SEM1: variants seen among roughly 807,000 people sequenced by gnomAD.
SEM1 encodes the protein 26S proteasome complex subunit SEM1.
Under a neutral mutation model 12.7 loss-of-function variants are expected in SEM1, and 3 were observed. The ratio of observed to expected loss-of-function variants is 0.24; its 90% CI spans 0.11 to 0.61. The LOEUF (loss-of-function observed/expected upper bound fraction) is 0.61. SEM1 is among the 20% of genes least tolerant of loss of function. The probability of loss-of-function intolerance (pLI) is 0.88; values close to 1 mark genes in which losing one functional copy is unlikely to be tolerated. For missense variants in SEM1, 59 were observed against 81.3 expected (o/e 0.73, Z 1.06); for synonymous variants, 30 against 27.8 (o/e 1.08, Z -0.25).
At chr7:96,554,755 A>G (rs1805422928) in intron 2 of SEM1, among the ~76,000 whole-genome samples, 1 of 151,066 alleles carries the variant, frequency 6.6e-6, no homozygotes, top group Non-Finnish European at 1.5e-5. Context: ...TGATTGGAAT[A>G]GTTTCAGAAG....
At chr7:96,564,670 A>G (rs1002797314) in intron 2 of SEM1, among the ~76,000 whole-genome samples, 4 of 151,978 alleles carry the variant, frequency 2.6e-5, no homozygotes, top group Non-Finnish European at 5.9e-5. Context: ...CCAATTTCCT[A>G]AGTACTTTAT....
intron 2 of SEM1, among the ~76,000 whole-genome samples, chr7:96,665,119 C>T (rs1400409601): frequency 6.6e-6 from 1 of 152,126 alleles, no homozygotes; most frequent in East Asian, 1.9e-4. Context: ...TCTCATCTTC[C>T]CACTGGCTTT....
At chr7:96,569,610 G>A (rs1325210297) in intron 2 of SEM1, among the ~76,000 whole-genome samples, 6 of 151,936 alleles carry the variant, frequency 3.9e-5, no homozygotes, top group Non-Finnish European at 8.8e-5. Context: ...TGTATGTATT[G>A]CCTAATGGCA....
intron 2 of SEM1, among the ~76,000 whole-genome samples, chr7:96,584,063 C>T (rs554649959): frequency 4.6e-5 from 7 of 152,210 alleles, no homozygotes; most frequent in South Asian, 2.1e-4. Flanking sequence ...TTCCTAGTCT[C>T]GATGGCCTTT....
intron 2 of SEM1, among the ~76,000 whole-genome samples, chr7:96,545,508 T>C (rs957918348): frequency 6.6e-6 from 1 of 152,024 alleles, no homozygotes; most frequent in Non-Finnish European, 1.5e-5. Flanking sequence ...GCATAGAGAT[T>C]ATTTGTTAGC....
At chr7:96,573,406 G>A (rs10278627) in intron 2 of SEM1, among the ~76,000 whole-genome samples, 82,792 of 151,966 alleles carry the variant, frequency 0.54, 24,604 homozygotes, top group Non-Finnish European at 0.68. Context: ...GGCTGGTACC[G>A]GTTGTTCCTT....
intron 2 of SEM1, among the ~76,000 whole-genome samples, chr7:96,540,810 C>T (rs933779722): frequency 1.3e-5 from 2 of 151,798 alleles, no homozygotes; most frequent in African/African-American, 4.8e-5. Flanking sequence ...ATGTTTAGCT[C>T]CCACTTATAA....
intron 2 of SEM1, among the ~76,000 whole-genome samples, chr7:96,591,980 G>A (rs1286054502): frequency 6.6e-6 from 1 of 152,074 alleles, no homozygotes; most frequent in Non-Finnish European, 1.5e-5. Flanking sequence ...TTATCTTGGT[G>A]AGTATTGTAA....
chr7:96,673,121 A>G (rs1175708135), downstream of SEM1: 1 of 151,894 alleles, frequency 6.6e-6, no homozygotes, highest in African/African-American at 2.4e-5. Flanking sequence ...TTTTATTTTT[A>G]TTCATTCTTT....
rs189572061 is a variant in SEM1 at position 96,523,110 on chromosome 7, C to A, written c.171-16412G>T. 7.2e-5 allele frequency among the ~76,000 whole-genome samples: 11 copies of A among 152,174 alleles called. No homozygotes were observed. In the East Asian group the frequency reaches 2.1e-3, roughly 29 times the overall value. ...TGACAAAATAATGAACACGAAGACA[C>A]AGAGGGCAGAGCTATGTGATGTTTC... On this transcript the variant is annotated intron_variant and NMD_transcript_variant, in intron 2 of 3. Coordinates refer to the SEM1 transcript ENST00000466986.
chr7:96,486,913 C>T (rs1427519660), intron 1 of SEM1, among the ~76,000 whole-genome samples: 1 of 152,096 alleles, frequency 6.6e-6, no homozygotes, highest in East Asian at 1.9e-4. Flanking sequence ...AAAGGGAGGC[C>T]CCTGAAAAGC....
rs1228988102 is a variant in SEM1 at position 96,709,836 on chromosome 7, C to T, written c.-73G>A. 8 of 1,403,716 alleles carry T rather than the reference C, an allele frequency of 5.7e-6. No homozygotes were observed. Among genetic ancestry groups the T allele is most frequent in the Admixed American group, 1.7e-5 (1 of 58,880 alleles). 87.0% of individuals were successfully genotyped at this position (1,403,716 alleles called of 1,614,324 possible). A position where few individuals can be genotyped will look rare whatever the true frequency, so the allele number is the denominator to read the frequency against. ...ACCCTCACTCTTCCTCAAGGAAACG[C>T]CACCGTCACTACCGCCTCCGACGCT... is the stretch of plus-strand genomic sequence containing the variant. On this transcript the variant is annotated 5_prime_UTR_variant, in exon 1 of 3. Transcript: ENST00000248566.
intron 2 of SEM1, among the ~76,000 whole-genome samples, chr7:96,616,875 C>G (rs1807738142): frequency 1.3e-5 from 2 of 152,006 alleles, no homozygotes; most frequent in Non-Finnish European, 1.5e-5. Context: ...GTCTTTATTA[C>G]TGGTTCTCTA....
chr7:96,572,422 C>T (rs146449354), intron 2 of SEM1, among the ~76,000 whole-genome samples: 8 of 152,158 alleles, frequency 5.3e-5, no homozygotes, highest in East Asian at 1.9e-4. Flanking sequence ...TGGCATCTAG[C>T]GCTATAAATT....
chr7:96,499,055 A>C (rs1803411446), upstream of SEM1, among the ~76,000 whole-genome samples: 1 of 152,194 alleles, frequency 6.6e-6, no homozygotes, highest in Non-Finnish European at 1.5e-5. Flanking sequence ...AAAATGTCTT[A>C]ATACTCTGGT....
chr7:96,605,912 G>T (rs1457392443), intron 2 of SEM1, among the ~76,000 whole-genome samples: 1 of 152,166 alleles, frequency 6.6e-6, no homozygotes, highest in Non-Finnish European at 1.5e-5. Context: ...CCTGGGATGA[G>T]AATCATCTCT....
At chr7:96,499,599 C>T (rs374866075), upstream of SEM1, among the ~76,000 whole-genome samples, 1 of 152,180 alleles carries the variant, frequency 6.6e-6, no homozygotes, top group Admixed American at 6.5e-5. Context: ...GATGGAACTA[C>T]TAAGTCCTGA....
chr7:96,500,445 A>C (rs1803486681), upstream of SEM1, among the ~76,000 whole-genome samples: 1 of 152,092 alleles, frequency 6.6e-6, no homozygotes, highest in Non-Finnish European at 1.5e-5. Flanking sequence ...CAAATAATCA[A>C]GTCTATATGA....
At chr7:96,679,024 A>G (rs1789526906) in intron 2 of SEM1, among the ~76,000 whole-genome samples, 1 of 152,170 alleles carries the variant, frequency 6.6e-6, no homozygotes, top group African/African-American at 2.4e-5. Flanking sequence ...CAAGTTAAAT[A>G]TAAAATATGA....
Sources: allele counts gnomAD v4.1 joint callset (sites outside exome capture counted in the v4.1 genomes callset), GRCh38; gene constraint gnomAD v4.1.1; transcripts MANE v1.5; gene names NCBI Gene and HGNC (gene_info 2026-07-23, HGNC 2026-07-21).